The following FAM114A1 variants were observed in gnomAD, a reference collection of about 807,000 sequenced individuals.
FAM114A1 encodes protein NOXP20.
A neutral mutation model predicts 64.3 loss-of-function variants in FAM114A1; 62 were observed. The observed-to-expected ratio is 0.96, with a 90% CI of 0.79 to 1.19. The LOEUF (loss-of-function observed/expected upper bound fraction) is 1.19, where lower values mean the gene tolerates loss of function less well. Among genes scored for constraint, FAM114A1 ranks in the 50% most tolerant of loss-of-function variants. FAM114A1 has a pLI of 0.00. For synonymous variants in FAM114A1, 254 were observed against 251.1 expected, an observed-to-expected ratio of 1.01 and a Z score of -0.11; for missense variants, 645 against 676.3, an observed-to-expected ratio of 0.95 and a Z score of 0.51.
intron 3 of FAM114A1, among the ~76,000 whole-genome samples, chr4:38,879,776 TCCA>T (rs1195262051): frequency 6.6e-6 from 1 of 152,156 alleles, no homozygotes; most frequent in African/African-American, 2.4e-5. Context: ...TTTGAAGCCA[TCCA>T]TAGATGCCCT....
chr4:38,911,812 T>A (rs942318194), intron 7 of FAM114A1, among the ~76,000 whole-genome samples: 1 of 151,548 alleles, frequency 6.6e-6, no homozygotes, highest in Non-Finnish European at 1.5e-5. Flanking sequence ...GGGAATACTC[T>A]TTCTTTTTCT....
intron 3 of FAM114A1, among the ~76,000 whole-genome samples, chr4:38,882,459 G>A (rs1372963165): frequency 7.3e-5 from 11 of 151,500 alleles, no homozygotes; most frequent in East Asian, 5.8e-4. Context: ...GAGAAACCCC[G>A]TCTCTGCTAA....
chr4:38,925,280 A>G (rs1260164691), intron 9 of FAM114A1, among the ~76,000 whole-genome samples: 8 of 152,268 alleles, frequency 5.3e-5, no homozygotes, highest in Admixed American at 3.3e-4. Flanking sequence ...AACTTAATTT[A>G]ATAAATAAAT....
At chr4:38,928,017 A>G (rs1302941763) in intron 9 of FAM114A1, among the ~76,000 whole-genome samples, 1 of 152,172 alleles carries the variant, frequency 6.6e-6, no homozygotes, top group Non-Finnish European at 1.5e-5. Flanking sequence ...TGTTTCCCTC[A>G]TGAGAATAGA....
intron 4 of FAM114A1, among the ~76,000 whole-genome samples, chr4:38,895,959 G>A (rs531225562): frequency 1.3e-5 from 2 of 152,216 alleles, no homozygotes; most frequent in Admixed American, 1.3e-4. Flanking sequence ...TTGTCATGTG[G>A]TGCATCCCGC....
intron 7 of FAM114A1, among the ~76,000 whole-genome samples, chr4:38,911,860 T>A (rs1718575511): frequency 1.1e-5 from 1 of 87,526 alleles, no homozygotes; most frequent in African/African-American, 4.2e-5. Flanking sequence ...TTTTCTTTTT[T>A]CTTTTTTTTT....
chr4:38,916,253 C>T (rs76156095), intron 8 of FAM114A1, among the ~76,000 whole-genome samples: 9,570 of 152,194 alleles, frequency 0.063, 774 homozygotes, highest in African/African-American at 0.18. Context: ...CATGAGCCTT[C>T]AGGGAAAGTC....
intron 12 of FAM114A1, 23 bp from the exon 13 acceptor site, chr4:38,935,695 C>CTT (rs377231719): frequency 1.6e-4 from 190 of 1,182,864 alleles, no homozygotes; most frequent in South Asian, 3.6e-4. Flanking sequence ...AACATCCAAG[C>CTT]TTTTTTTTTT....
At chr4:38,876,162 CTTTTTTCTTTTTTTTT>C (rs1714604917) in intron 2 of FAM114A1, among the ~76,000 whole-genome samples, 4 of 99,268 alleles carry the variant, frequency 4.0e-5, no homozygotes. Context: ...TAGACTTATT[CTTTTTTCTTTTTTTTT>C]TTTTTTTTTT....
chr4:38,923,725 C>A (rs925609956), intron 9 of FAM114A1, among the ~76,000 whole-genome samples: 3 of 152,198 alleles, frequency 2.0e-5, no homozygotes, highest in South Asian at 2.1e-4. Flanking sequence ...CATTTTCTGA[C>A]AGTGCACCAG....
intron 9 of FAM114A1, among the ~76,000 whole-genome samples, chr4:38,923,911 C>G (rs779689592): frequency 6.6e-6 from 1 of 152,120 alleles, no homozygotes; most frequent in Non-Finnish European, 1.5e-5. Flanking sequence ...CATTTGGGAG[C>G]AGAAGAGAGT....
chr4:38,934,718 T>C (rs910509257), intron 12 of FAM114A1, among the ~76,000 whole-genome samples: 3 of 152,188 alleles, frequency 2.0e-5, no homozygotes, highest in Admixed American at 6.5e-5. Flanking sequence ...TCTTGCATTG[T>C]TTTCTTGGGA....
intron 9 of FAM114A1, among the ~76,000 whole-genome samples, chr4:38,928,837 C>T (rs563749574): frequency 4.1e-4 from 63 of 152,286 alleles, no homozygotes; most frequent in African/African-American, 1.5e-3. Flanking sequence ...ATAACAATAT[C>T]GAAGTCATAA....
At chr4:38,895,282 C>T (rs1445696129) in intron 4 of FAM114A1, among the ~76,000 whole-genome samples, 1 of 152,200 alleles carries the variant, frequency 6.6e-6, no homozygotes, top group East Asian at 1.9e-4. Context: ...TGTTTTCCTG[C>T]TGATTATTGA....
Position 38,931,433 on chromosome 4 carries a change from G to A in FAM114A1, c.1162-18G>A. 6 of 1,584,564 alleles carry A rather than the reference G, an allele frequency of 3.8e-6. No individual in the cohort carries two copies. The highest frequency in any genetic ancestry group is 5.1e-6 in the Non-Finnish European group (6 of 1,170,368). ...TATTTGCGCCATAAAAGGATTGTTT[G>A]GTTGGGGACCTCTGCAGGCCATGAA... On this transcript the variant is annotated intron_variant, in intron 10 of 14. Coordinates refer to ENST00000358869, the MANE Select transcript of FAM114A1 (RefSeq NM_138389.4).
chr4:38,874,769 T>G (rs6838350), intron 2 of FAM114A1, among the ~76,000 whole-genome samples: 41,508 of 151,770 alleles, frequency 0.27, 5,994 homozygotes, highest in African/African-American at 0.31. Context: ...GTGTTTCCTA[T>G]GTTCCTAGGT....
At chr4:38,890,549 T>C (rs536325020) in intron 3 of FAM114A1, among the ~76,000 whole-genome samples, 124 of 152,284 alleles carry the variant, frequency 8.1e-4, no homozygotes, top group African/African-American at 2.9e-3. Flanking sequence ...CTTCCTTCTT[T>C]CCTTCCTTCC....
rs1239324689 is a variant in FAM114A1 at position 38,897,964 on chromosome 4, A to G, written c.436+6134A>G. Among the ~76,000 whole-genome samples the G allele has an allele frequency of 2.0e-5, 3 of 151,946 alleles. No homozygotes were observed. The East Asian group carries it at 5.8e-4, about 29-fold the overall frequency. On this transcript the variant is annotated intron_variant, in intron 4 of 14. Coordinates refer to ENST00000358869, the MANE Select transcript of FAM114A1 (RefSeq NM_138389.4). ...CTGTTTCAAAAAAAAAAAAAGAAAG[A>G]AAAAAGAAAAGAGGGTTTTGATAGT...
intron 3 of FAM114A1, among the ~76,000 whole-genome samples, chr4:38,879,236 G>T (rs1303056495): frequency 6.6e-6 from 1 of 152,156 alleles, no homozygotes; most frequent in Non-Finnish European, 1.5e-5. Context: ...GAAGGGTGGT[G>T]CAGGAGGGAG....
Sources: allele counts gnomAD v4.1 joint callset (sites outside exome capture counted in the v4.1 genomes callset), GRCh38; gene constraint gnomAD v4.1.1; transcripts MANE v1.5; gene names NCBI Gene and HGNC (gene_info 2026-07-23, HGNC 2026-07-21).